Variants in MYO3B observed in about 807,000 individuals in gnomAD.
MYO3B encodes myosin-IIIb.
MYO3B carries 156 observed loss-of-function variants against 174.6 expected under a neutral mutation model. The observed-to-expected ratio is 0.89, with a 90% CI of 0.78 to 1.02. The LOEUF (loss-of-function observed/expected upper bound fraction) is 1.02, where lower values mean the gene tolerates loss of function less well. MYO3B is among the 50% of genes least tolerant of loss of function. The pLI, the probability that MYO3B is intolerant of heterozygous loss-of-function variation, is 0.00. For missense variants in MYO3B, 1,632 were observed against 1,639.4 expected (o/e 1.00, Z 0.08); for synonymous variants, 563 against 569.1 (o/e 0.99, Z 0.15).
chr2:170,181,103 T>C (rs1186219223), intron 1 of MYO3B, among the ~76,000 whole-genome samples: 1 of 152,186 alleles, frequency 6.6e-6, no homozygotes, highest in African/African-American at 2.4e-5. Context: ...GTCTATCTAC[T>C]TCAAGTTTAA....
chr2:170,652,270 G>C, intron 34 of MYO3B, 116 bp downstream of exon 34: 1 of 830,176 alleles, frequency 1.2e-6, no homozygotes, highest in African/African-American at 1.7e-5. Flanking sequence ...TCCAGATATT[G>C]CCACTCTTAT....
chr2:170,221,475 A>G (rs1355201164), intron 6 of MYO3B, among the ~76,000 whole-genome samples: 9 of 152,120 alleles, frequency 5.9e-5, no homozygotes, highest in Admixed American at 3.3e-4. Context: ...ATGAGCAGTC[A>G]AGACACACAG....
chr2:170,400,657 C>A (rs903873302), intron 17 of MYO3B, among the ~76,000 whole-genome samples: 2 of 131,816 alleles, frequency 1.5e-5, no homozygotes, highest in Non-Finnish European at 3.5e-5. Context: ...CCCCCCCCCC[C>A]TCGGCCTCCC....
At chr2:170,481,231 A>G (rs1685668536) in intron 25 of MYO3B, among the ~76,000 whole-genome samples, 2 of 152,224 alleles carry the variant, frequency 1.3e-5, no homozygotes, top group African/African-American at 4.8e-5. Context: ...AGAGTCTGAT[A>G]TAAACAGATC....
intron 30 of MYO3B, among the ~76,000 whole-genome samples, chr2:170,520,626 T>C (rs1481199968): frequency 6.6e-6 from 1 of 152,022 alleles, no homozygotes; most frequent in Admixed American, 6.6e-5. Context: ...GGAGTATCAT[T>C]TCCTGTTTAG....
chr2:170,416,840 T>TTTTC (rs2094583370), intron 22 of MYO3B, among the ~76,000 whole-genome samples: 1 of 85,026 alleles, frequency 1.2e-5, no homozygotes, highest in East Asian at 4.1e-4. Flanking sequence ...TTTTTTTTTT[T>TTTTC]TGAGACGGAG....
rs527868308 is a variant in MYO3B at position 170,604,962 on chromosome 2, C to T, written c.3734-46666C>T. Among the ~76,000 whole-genome samples, 4 of 152,084 alleles carry T rather than the reference C, an allele frequency of 2.6e-5. No homozygotes were observed. The South Asian group carries it at 8.3e-4, about 32-fold the overall frequency. ...AACACTCAGTTAATTTAGGCTTCTCCTCCCTCACCCTTCTTCTCTTATCCC... is the reference window on the plus strand; with the variant it reads ...AACACTCAGTTAATTTAGGCTTCTCTTCCCTCACCCTTCTTCTCTTATCCC... On this transcript the variant is annotated intron_variant, in intron 32 of 34. Transcript: ENST00000408978.
Position 170,401,543 on chromosome 2 carries a change from G to A in MYO3B, c.1981G>A (p.Val661Ile), listed in dbSNP as rs769984511. 6 of 1,614,144 alleles carry A rather than the reference G, an allele frequency of 3.7e-6. No homozygotes were observed. In the South Asian group the frequency reaches 5.5e-5, roughly 15 times the overall value. The change falls in exon 18 of 35, where the codon GTC becomes ATC. Residue 661 changes from valine (V) to isoleucine (I), a missense_variant. Physicochemically the swap from Val to Ile is conservative, Grantham distance 29. Coordinates refer to ENST00000408978, the MANE Select transcript of MYO3B (RefSeq NM_138995.5). Reference protein sequence around the residue: ...LQEALTSHCVVTRGETIIRAN... With the variant: ...LQEALTSHCVITRGETIIRAN... ...GGAGGCCCTCACCTCCCACTGTGTG[G>A]TCACCCGGGGCGAGACCATCATCCG...
intron 6 of MYO3B, among the ~76,000 whole-genome samples, chr2:170,219,290 A>G (rs960566790): frequency 1.3e-5 from 2 of 152,226 alleles, no homozygotes; most frequent in African/African-American, 4.8e-5. Flanking sequence ...CAGGTCTGCC[A>G]GGGACTTGGG....
intron 22 of MYO3B, among the ~76,000 whole-genome samples, chr2:170,438,780 G>A (rs79748114): frequency 0.032 from 4,839 of 151,922 alleles, 194 homozygotes; most frequent in East Asian, 0.21. Flanking sequence ...GACCACAGGC[G>A]CCTGCCACCA....
intron 7 of MYO3B, among the ~76,000 whole-genome samples, chr2:170,309,105 G>A (rs974844307): frequency 6.6e-6 from 1 of 152,174 alleles, no homozygotes; most frequent in Non-Finnish European, 1.5e-5. Flanking sequence ...TTTAAATAAC[G>A]TATGTCACTA....
intron 30 of MYO3B, among the ~76,000 whole-genome samples, chr2:170,538,537 G>T (rs2106192310): frequency 6.6e-6 from 1 of 152,250 alleles, no homozygotes; most frequent in East Asian, 1.9e-4. Flanking sequence ...GGAGATGCTG[G>T]GTATTCTCAG....
chr2:170,230,182 T>C (rs1418320724), intron 6 of MYO3B, among the ~76,000 whole-genome samples: 11 of 150,688 alleles, frequency 7.3e-5, no homozygotes, highest in Admixed American at 3.3e-4. Flanking sequence ...TTGTTTTTTT[T>C]TTTTCGAGAC....
chr2:170,237,385 T>C (rs186201321), intron 7 of MYO3B, among the ~76,000 whole-genome samples: 1 of 152,312 alleles, frequency 6.6e-6, no homozygotes, highest in East Asian at 1.9e-4. Flanking sequence ...GATTAAGGTG[T>C]AGCTTCTCTT....
chr2:170,203,159 C>T (rs2092680250), intron 3 of MYO3B, among the ~76,000 whole-genome samples: 1 of 152,162 alleles, frequency 6.6e-6, no homozygotes, highest in Middle Eastern at 3.2e-3. Context: ...ATAAGTCCGC[C>T]TTTCACCTAG....
At chr2:170,332,733 G>A (rs902380839) in intron 7 of MYO3B, among the ~76,000 whole-genome samples, 1 of 152,142 alleles carries the variant, frequency 6.6e-6, no homozygotes, top group Non-Finnish European at 1.5e-5. Context: ...GCCATAGAGG[G>A]TTGGTGGTGA....
chr2:170,652,329 C>A (rs567358587), intron 34 of MYO3B, among the ~76,000 whole-genome samples, 175 bp downstream of exon 34: 32 of 152,296 alleles, frequency 2.1e-4, no homozygotes, highest in Admixed American at 2.1e-3. Context: ...AAACTTGAAT[C>A]TATTCTGTCC....
intron 8 of MYO3B, among the ~76,000 whole-genome samples, chr2:170,347,733 T>A (rs1294738603): frequency 3.3e-5 from 5 of 152,238 alleles, no homozygotes; most frequent in Admixed American, 2.0e-4. Flanking sequence ...TGTGCATGCG[T>A]GAATATGTGT....
intron 28 of MYO3B, among the ~76,000 whole-genome samples, chr2:170,510,271 G>C (rs1475326173): frequency 6.6e-6 from 1 of 152,162 alleles, no homozygotes; most frequent in Non-Finnish European, 1.5e-5. Flanking sequence ...AATAGATCCA[G>C]TTTGAAGAAA....
Sources: allele counts gnomAD v4.1 joint callset (sites outside exome capture counted in the v4.1 genomes callset), GRCh38; gene constraint gnomAD v4.1.1; transcripts MANE v1.5; gene names NCBI Gene and HGNC (gene_info 2026-07-23, HGNC 2026-07-21).